The following CFAP57 variants were observed in gnomAD, a reference collection of about 807,000 sequenced individuals.
CFAP57 encodes the protein cilia and flagella associated protein 57.
Under a neutral mutation model 146.8 loss-of-function variants are expected in CFAP57, and 116 were observed. The ratio of observed to expected loss-of-function variants is 0.79; its 90% CI spans 0.68 to 0.92. The LOEUF (loss-of-function observed/expected upper bound fraction) is 0.92, where lower values mean the gene tolerates loss of function less well. CFAP57 is among the 40% of genes least tolerant of loss of function. CFAP57 has a pLI of 0.00. For synonymous variants in CFAP57, 518 were observed against 552.8 expected, an observed-to-expected ratio of 0.94 and a Z score of 0.88; for missense variants, 1,377 against 1,527.2, an observed-to-expected ratio of 0.90 and a Z score of 1.64.
At chr1:43,208,878 G>A (rs866465690) in intron 10 of CFAP57, among the ~76,000 whole-genome samples, 8 of 152,200 alleles carry the variant, frequency 5.3e-5, no homozygotes, top group African/African-American at 1.4e-4. Flanking sequence ...ATGAAGGGGC[G>A]CTCTGATAGT....
intron 10 of CFAP57, among the ~76,000 whole-genome samples, chr1:43,209,102 T>G (rs958750544): frequency 6.6e-6 from 1 of 152,204 alleles, no homozygotes; most frequent in Non-Finnish European, 1.5e-5. Flanking sequence ...ATCATAGTTA[T>G]GTACGTATAG....
intron 3 of CFAP57, 39 bp downstream of exon 3, chr1:43,181,889 A>G: frequency 6.2e-7 from 1 of 1,600,688 alleles, no homozygotes; most frequent in Non-Finnish European, 8.6e-7. Context: ...AAATTATAAA[A>G]AATAGAACTA....
chr1:43,250,726 C>T (rs1047922933), intron 22 of CFAP57, among the ~76,000 whole-genome samples: 2 of 152,136 alleles, frequency 1.3e-5, no homozygotes, highest in Non-Finnish European at 2.9e-5. Flanking sequence ...AATGGAAATT[C>T]CATAAAGAAT....
Position 43,181,780 on chromosome 1 carries a change from A to C in CFAP57, c.404A>C (p.Tyr135Ser), listed in dbSNP as rs372731177. 6.2e-7 allele frequency: 1 copy of C among 1,614,080 alleles called. No individual in the cohort carries two copies. Among genetic ancestry groups the C allele is most frequent in the African/African-American group, 1.3e-5 (1 of 74,930 alleles). The change falls in exon 3 of 23, where the codon TAC (tyrosine) becomes TCC (serine). Residue 135 changes from tyrosine (Y) to serine (S), a missense_variant. Physicochemically the swap from Tyr to Ser is moderately radical, Grantham distance 144. Coordinates refer to ENST00000372492, the MANE Select transcript of CFAP57 (RefSeq NM_001378189.1). ...QTSPPESNLV[Y>S]WLWEKQKVMA... ...TCACCTCCAGAGTCAAATCTTGTCT[A>C]CTGGCTGTGGGAAAAACAGAAAGTA...
chr1:43,242,183 C>A (rs998755459), intron 21 of CFAP57, among the ~76,000 whole-genome samples: 6 of 152,138 alleles, frequency 3.9e-5, no homozygotes, highest in African/African-American at 1.4e-4. Context: ...CTTGGTGACT[C>A]CTTCAAGCCT....
intron 2 of CFAP57, chr1:43,177,145 G>A (rs2124226455): frequency 2.2e-6 from 1 of 456,276 alleles, no homozygotes; most frequent in African/African-American, 2.0e-5. Context: ...CTGTACAGAG[G>A]ACAGATTTAA....
In CFAP57 at chr1:43,251,339, C is replaced by T. The variant is rs182814244; in HGVS notation, c.3539-2638C>T. On this transcript the variant is annotated intron_variant, in intron 22 of 22. Coordinates refer to ENST00000372492, the MANE Select transcript of CFAP57 (RefSeq NM_001378189.1). Reference sequence around the variant, plus strand: ...ACTAAAACGGGGAGGGTTTATATACCAGGGAAGAAATATTACATGGGTAAG... The same window carrying T: ...ACTAAAACGGGGAGGGTTTATATACTAGGGAAGAAATATTACATGGGTAAG... 5.3e-5 allele frequency among the ~76,000 whole-genome samples: 8 copies of T among 152,246 alleles called. No homozygotes were observed. The South Asian group carries it at 1.7e-3, about 32-fold the overall frequency.
chr1:43,253,415 G>A (rs1481871414), intron 22 of CFAP57, among the ~76,000 whole-genome samples: 21 of 152,214 alleles, frequency 1.4e-4, no homozygotes, highest in Admixed American at 1.4e-3. Flanking sequence ...CACTAATGCT[G>A]CAAGTTCAGC....
chr1:43,224,302 G>T (rs768730251), intron 17 of CFAP57, 98 bp downstream of exon 17: 8 of 1,359,010 alleles, frequency 5.9e-6, no homozygotes, highest in Non-Finnish European at 5.8e-6. Context: ...TTCTCAGGAC[G>T]CATTTCTTTA....
In CFAP57 at chr1:43,232,639, G is replaced by A. The variant is rs1470101808; in HGVS notation, c.3126+15G>A. 3 of 1,502,574 alleles carry A rather than the reference G, an allele frequency of 2.0e-6. No homozygotes were observed. Among genetic ancestry groups the A allele is most frequent in the East Asian group, 2.5e-5 (1 of 39,968 alleles). The allele number at this position is 1,502,574 out of a possible 1,614,324, so 93.1% of individuals were successfully genotyped here. A position where few individuals can be genotyped will look rare whatever the true frequency, so the allele number is the denominator to read the frequency against. On this transcript the variant is annotated intron_variant, in intron 19 of 22. Coordinates refer to ENST00000372492, the MANE Select transcript of CFAP57 (RefSeq NM_001378189.1). ...AGAGACAGAAGGTGTGAGGGTTTCA[G>A]AGTCTGGCAGTTCTTGGATTCGGGA...
intron 6 of CFAP57, among the ~76,000 whole-genome samples, chr1:43,191,504 G>A (rs911194249): frequency 7.4e-5 from 11 of 148,824 alleles, no homozygotes; most frequent in Admixed American, 4.8e-4. Flanking sequence ...GGAGAATGGC[G>A]TGAACCCGGG....
intron 5 of CFAP57, among the ~76,000 whole-genome samples, chr1:43,186,382 C>T (rs915943598): frequency 8.6e-5 from 13 of 151,954 alleles, no homozygotes; most frequent in Non-Finnish European, 1.8e-4. Context: ...AAGGCCGAGG[C>T]GGGCGGATCA....
In CFAP57 at chr1:43,184,740, CTTTTTTTTTTTTT is replaced by C. The variant is rs57644418; in HGVS notation, c.762-392_762-380del. The C allele has an allele frequency of 2.3e-4, 23 of 101,372 alleles. No individual in the cohort carries two copies. In the South Asian group the frequency reaches 3.8e-3, roughly 17 times the overall value. 6.3% of individuals were successfully genotyped at this position (101,372 alleles called of 1,614,324 possible). A position where few individuals can be genotyped will look rare whatever the true frequency, so the allele number is the denominator to read the frequency against. ...CATCCCCCCATGCCAATGGCATATC[CTTTTTTTTTTTTT>C]TTTTTTTTTTTTTTTTGTGAGTATG... is the stretch of plus-strand genomic sequence containing the variant. On this transcript the variant is annotated intron_variant, in intron 4 of 22. Transcript: ENST00000372492.
chr1:43,193,410 T>C (rs912313318), intron 6 of CFAP57, among the ~76,000 whole-genome samples: 1 of 152,154 alleles, frequency 6.6e-6, no homozygotes, highest in African/African-American at 2.4e-5. Flanking sequence ...GTGTGTATCA[T>C]GGGGTTTTTG....
chr1:43,199,045 C>T (rs1309008429), intron 8 of CFAP57, among the ~76,000 whole-genome samples: 1 of 152,182 alleles, frequency 6.6e-6, no homozygotes, highest in Admixed American at 6.5e-5. Context: ...ATAAAGAGCG[C>T]ATCAGCTTTC....
At chr1:43,176,698 G>A (rs1645184986) in intron 2 of CFAP57, among the ~76,000 whole-genome samples, 1 of 152,158 alleles carries the variant, frequency 6.6e-6, no homozygotes, top group African/African-American at 2.4e-5. Context: ...AAGAAGTACA[G>A]TCTACATGCT....
intron 11 of CFAP57, among the ~76,000 whole-genome samples, chr1:43,212,673 CTG>C (rs1279446470): frequency 6.6e-6 from 1 of 152,150 alleles, no homozygotes; most frequent in Non-Finnish European, 1.5e-5. Flanking sequence ...TGGGTCATGC[CTG>C]TGATCCCAAC....
rs984470275 is a variant in CFAP57 at position 43,177,515 on chromosome 1, C to G, written c.158-4019C>G. On this transcript the variant is annotated intron_variant, in intron 2 of 22. Transcript: ENST00000372492. The stretch of plus-strand genomic sequence containing the variant: ...TGGATTTAAGGGAGGGAAGTCCAGG[C>G]TAGGAAAGGAATTTGAGGGTCATCA... 3.7e-4 allele frequency among the ~76,000 whole-genome samples: 57 copies of G among 152,196 alleles called. 1 individual carries two copies. Among genetic ancestry groups the G allele is most frequent in the Admixed American group, 3.0e-3 (46 of 15,286 alleles).
rs1409228094 is a variant in CFAP57, at chr1:43,234,290, G to T, written c.3138G>T (p.Leu1046Phe). ...GTCTCTGATTGCAGGAGCGAGACTT[G>T]GAAGCGCTGGTCAAAAGGTTTAAAA... Reference protein sequence around the residue: ...MRRERQKERDLEALVKRFKTD... With the variant: ...MRRERQKERDFEALVKRFKTD... Residue 1046 changes from leucine (L) to phenylalanine (F), a missense_variant, in exon 20 of 23, where the codon TTG becomes TTT. Transcript: ENST00000372492. 3 of 1,546,640 alleles carry T rather than the reference G, an allele frequency of 1.9e-6. No individual in the cohort carries two copies. The highest frequency in any genetic ancestry group is 1.7e-6 in the Non-Finnish European group (2 of 1,145,104).
Sources: allele counts gnomAD v4.1 joint callset (sites outside exome capture counted in the v4.1 genomes callset), GRCh38; gene constraint gnomAD v4.1.1; transcripts MANE v1.5; gene names NCBI Gene and HGNC (gene_info 2026-07-23, HGNC 2026-07-21).